Variants in SUPT3H observed in about 807,000 individuals in gnomAD.
The protein encoded by SUPT3H is SPT3 homolog, SAGA and STAGA complex component, also known as transcription initiation protein SPT3 homolog.
SUPT3H carries 44 observed loss-of-function variants against 44.3 expected under a neutral mutation model. The ratio of observed to expected loss-of-function variants is 0.99; its 90% CI spans 0.78 to 1.28. The LOEUF (loss-of-function observed/expected upper bound fraction) is 1.28, where lower values mean the gene tolerates loss of function less well. SUPT3H is among the 50% of genes most tolerant of loss of function. SUPT3H has a pLI of 0.00. For synonymous variants in SUPT3H, 124 were observed against 125.6 expected, an observed-to-expected ratio of 0.99 and a Z score of 0.09; for missense variants, 380 against 387.1, an observed-to-expected ratio of 0.98 and a Z score of 0.15.
At chr6:45,092,061 G>A (rs1797190060) in intron 3 of SUPT3H, among the ~76,000 whole-genome samples, 1 of 151,758 alleles carries the variant, frequency 6.6e-6, no homozygotes, top group African/African-American at 2.4e-5. Flanking sequence ...AAACCAACTA[G>A]ATAACCTATA....
Position 45,065,283 on chromosome 6 carries a change from C to G in SUPT3H, c.186+40639G>C, listed in dbSNP as rs1342600439. On this transcript the variant is annotated intron_variant, in intron 3 of 10. Transcript: ENST00000371459. ...CCAACGAGAACAAAGACACAACATA[C>G]CAGAATCTCTGGGACGCATTCAAAG... is the stretch of plus-strand genomic sequence containing the variant. Among the ~76,000 whole-genome samples, 65 of 142,230 alleles carry G rather than the reference C, an allele frequency of 4.6e-4. No homozygotes were observed. In the South Asian group the frequency reaches 0.016, roughly 34 times the overall value. The allele number at this position is 142,230 out of a possible 152,430, so 93.3% of individuals were successfully genotyped here.
chr6:44,961,853 T>A (rs759723576), intron 6 of SUPT3H, 25 bp from the exon 7 acceptor site: 19 of 1,540,418 alleles, frequency 1.2e-5, no homozygotes, highest in Non-Finnish European at 1.7e-5. Flanking sequence ...TACATAACAT[T>A]TTTTAAAGCA....
chr6:45,115,999 C>T (rs1422905765), intron 2 of SUPT3H, among the ~76,000 whole-genome samples: 3 of 152,148 alleles, frequency 2.0e-5, no homozygotes, highest in Non-Finnish European at 1.5e-5. Flanking sequence ...AACTCCAGAA[C>T]ACGACCAATC....
chr6:44,845,589 C>A (rs888977892), intron 10 of SUPT3H, among the ~76,000 whole-genome samples: 1 of 152,144 alleles, frequency 6.6e-6, no homozygotes, highest in South Asian at 2.1e-4. Flanking sequence ...TTTCCCAAGA[C>A]CACCCTGGTC....
intron 10 of SUPT3H, among the ~76,000 whole-genome samples, chr6:44,895,347 G>A (rs1763977455): frequency 6.7e-6 from 1 of 148,724 alleles, no homozygotes; most frequent in African/African-American, 2.5e-5. Context: ...TCCTGTTTCA[G>A]CTTCTTACTG....
chr6:44,838,005 T>C (rs1770229808), intron 10 of SUPT3H, among the ~76,000 whole-genome samples: 4 of 152,292 alleles, frequency 2.6e-5, no homozygotes, highest in South Asian at 2.1e-4. Context: ...AGAACACAGA[T>C]AGCAATAGCT....
intron 2 of SUPT3H, among the ~76,000 whole-genome samples, chr6:45,235,247 C>T (rs1768870582): frequency 6.6e-6 from 1 of 151,924 alleles, no homozygotes; most frequent in African/African-American, 2.4e-5. Flanking sequence ...ATAAAATAGC[C>T]CCACCTTATA....
At chr6:45,311,641 G>A (rs1783967262) in intron 2 of SUPT3H, among the ~76,000 whole-genome samples, 1 of 152,170 alleles carries the variant, frequency 6.6e-6, no homozygotes, top group African/African-American at 2.4e-5. Flanking sequence ...CAAGCTAGAA[G>A]GGATTGGGGC....
intron 2 of SUPT3H, among the ~76,000 whole-genome samples, chr6:45,338,710 G>A (rs1789138644): frequency 6.6e-6 from 1 of 151,986 alleles, no homozygotes; most frequent in African/African-American, 2.4e-5. Flanking sequence ...ATTTCGTTTT[G>A]TCATCAATTT....
intron 10 of SUPT3H, among the ~76,000 whole-genome samples, chr6:44,879,926 C>A (rs769716062): frequency 2.0e-5 from 3 of 152,088 alleles, no homozygotes; most frequent in Non-Finnish European, 4.4e-5. Context: ...ATCTGAAGGT[C>A]ACCAAAATCA....
chr6:45,109,465 C>A (rs1378314453), intron 2 of SUPT3H, among the ~76,000 whole-genome samples: 1 of 152,074 alleles, frequency 6.6e-6, no homozygotes, highest in African/African-American at 2.4e-5. Context: ...ATAAAAGACA[C>A]AAATTGCCTA....
At chr6:44,926,317 T>C (rs1262254216) in intron 10 of SUPT3H, among the ~76,000 whole-genome samples, 1 of 152,004 alleles carries the variant, frequency 6.6e-6, no homozygotes, top group African/African-American at 2.4e-5. Flanking sequence ...CGGAATATTA[T>C]AGAGGAAAAT....
At chr6:44,909,596 T>C (rs1766688568) in intron 10 of SUPT3H, among the ~76,000 whole-genome samples, 1 of 152,242 alleles carries the variant, frequency 6.6e-6, no homozygotes, top group Admixed American at 6.5e-5. Context: ...AATTTTCCTA[T>C]GTACGAAGAC....
At chr6:45,374,207 G>A (rs1274137969) in intron 1 of SUPT3H, among the ~76,000 whole-genome samples, 2 of 152,120 alleles carry the variant, frequency 1.3e-5, no homozygotes, top group African/African-American at 4.8e-5. Flanking sequence ...GCAAAAGCTA[G>A]GTTTACAGAA....
intron 11 of SUPT3H, among the ~76,000 whole-genome samples, chr6:44,817,695 T>C (rs1156806544): frequency 6.6e-6 from 1 of 151,974 alleles, no homozygotes; most frequent in Non-Finnish European, 1.5e-5. Context: ...ATAAAATGAA[T>C]AATGAATAAT....
In SUPT3H at chr6:44,958,476, G is replaced by T. The variant is rs1272969666; in HGVS notation, c.580+3277C>A. Among the ~76,000 whole-genome samples, 11 of 152,082 alleles carry T rather than the reference G, an allele frequency of 7.2e-5. No individual in the cohort carries two copies. In the South Asian group the frequency reaches 2.1e-3, roughly 29 times the overall value. On this transcript the variant is annotated intron_variant, in intron 7 of 10. Transcript: ENST00000371459. ...AATTGAAAATAGCCTTCTTCAGAGG[G>T]CATGGTTTTCCCTGGAAACTTCCCT...
In SUPT3H at chr6:44,827,761, G is replaced by T. The variant is rs1409939908; in HGVS notation, c.*2055C>A. Among the ~76,000 whole-genome samples, 1 of 152,096 alleles carries T rather than the reference G, an allele frequency of 6.6e-6. No individual in the cohort carries two copies. The highest frequency in any genetic ancestry group is 6.5e-5 in the Admixed American group (1 of 15,268). On this transcript the variant is annotated 3_prime_UTR_variant, in exon 11 of 11. Transcript: ENST00000371459. ...ATTAAAAATATTGAGCAATTATGGG[G>T]ACATGTAGGCTGGTTCAGGACAGAC...
At chr6:45,145,428 T>TA (rs1442467803) in intron 2 of SUPT3H, among the ~76,000 whole-genome samples, 5 of 152,158 alleles carry the variant, frequency 3.3e-5, no homozygotes, top group Non-Finnish European at 5.9e-5. Context: ...AAGGACACCC[T>TA]ATTCAACAAA....
chr6:45,273,356 G>A (rs1776515968), intron 2 of SUPT3H, among the ~76,000 whole-genome samples: 1 of 151,958 alleles, frequency 6.6e-6, no homozygotes, highest in South Asian at 2.1e-4. Context: ...GGGCACTGTC[G>A]TCCTCATATA....
Sources: allele counts gnomAD v4.1 joint callset (sites outside exome capture counted in the v4.1 genomes callset), GRCh38; gene constraint gnomAD v4.1.1; transcripts MANE v1.5; gene names NCBI Gene and HGNC (gene_info 2026-07-23, HGNC 2026-07-21).